Variants in ELAVL2 observed in about 807,000 individuals in gnomAD.
ELAVL2 encodes the protein ELAV like RNA binding protein 2.
ELAVL2 carries 4 observed loss-of-function variants against 34.6 expected under a neutral mutation model. The observed-to-expected ratio is 0.12, with a 90% CI of 0.06 to 0.26. The LOEUF is 0.26. Among genes scored for constraint, ELAVL2 ranks in the 10% least tolerant of loss-of-function variants. The probability of loss-of-function intolerance (pLI) is 1.00; values close to 1 mark genes in which losing one functional copy is unlikely to be tolerated. For missense variants in ELAVL2, 432 were observed against 442.8 expected, an observed-to-expected ratio of 0.98 and a Z score of 0.22; for synonymous variants, 193 against 154.8, an observed-to-expected ratio of 1.25 and a Z score of -1.83.
chr9:23,814,854 T>C (rs1482047000), intron 1 of ELAVL2, among the ~76,000 whole-genome samples: 1 of 152,174 alleles, frequency 6.6e-6, no homozygotes, highest in African/African-American at 2.4e-5. Flanking sequence ...CAAGATCAAG[T>C]GCTCCAGAAA....
intron 3 of ELAVL2, among the ~76,000 whole-genome samples, chr9:23,727,331 T>G (rs551817954): frequency 6.6e-6 from 1 of 152,238 alleles, no homozygotes; most frequent in South Asian, 2.1e-4. Context: ...GATACGTTGT[T>G]TTCAATTTCT....
intron 3 of ELAVL2, among the ~76,000 whole-genome samples, chr9:23,724,453 T>A (rs1467954013): frequency 6.6e-6 from 1 of 152,012 alleles, no homozygotes; most frequent in African/African-American, 2.4e-5. Flanking sequence ...ACATTCAAGC[T>A]CTGGACCTTA....
chr9:23,701,877 A>G (rs948876521), intron 4 of ELAVL2, among the ~76,000 whole-genome samples: 46 of 152,182 alleles, frequency 3.0e-4, no homozygotes, highest in African/African-American at 1.1e-3. Context: ...ACAAGAAAAC[A>G]CAAGCATGTC....
chr9:23,696,687 G>T (rs2035365548), intron 5 of ELAVL2, among the ~76,000 whole-genome samples: 1 of 151,916 alleles, frequency 6.6e-6, no homozygotes, highest in Non-Finnish European at 1.5e-5. Context: ...AGCCATGATG[G>T]TCTCGATCTC....
intron 3 of ELAVL2, among the ~76,000 whole-genome samples, chr9:23,729,400 T>G (rs1234325319): frequency 6.6e-6 from 1 of 152,128 alleles, no homozygotes; most frequent in Non-Finnish European, 1.5e-5. Context: ...GCACACGGTC[T>G]GACGGTAACT....
At chr9:23,727,242 T>C (rs2087877335) in intron 3 of ELAVL2, among the ~76,000 whole-genome samples, 1 of 152,174 alleles carries the variant, frequency 6.6e-6, no homozygotes, top group South Asian at 2.1e-4. Flanking sequence ...AAGTGACCTT[T>C]AGGACAAGAG....
chr9:23,716,161 G>C (rs2133882570), intron 3 of ELAVL2, among the ~76,000 whole-genome samples: 1 of 139,264 alleles, frequency 7.2e-6, no homozygotes, highest in African/African-American at 2.7e-5. Flanking sequence ...ACCGGGGCCT[G>C]TTGTCGGGTT....
intron 1 of ELAVL2, among the ~76,000 whole-genome samples, chr9:23,819,127 G>C (rs534903008): frequency 2.0e-5 from 3 of 152,276 alleles, no homozygotes; most frequent in East Asian, 1.9e-4. Context: ...AAGGCTGGAA[G>C]AGCCAAGAGC....
chr9:23,819,980 T>G lies in ELAVL2; in HGVS notation c.-16+5826A>C, dbSNP rs543969202. 7.9e-5 allele frequency among the ~76,000 whole-genome samples: 12 copies of G among 152,232 alleles called. No homozygotes were observed. In the South Asian group the frequency reaches 1.7e-3, roughly 21 times the overall value. Reference sequence around the variant, plus strand: ...CTATAAAGAAGGCCCCTACCACAAATGCAGTAACATTCGGGTCCACTCAGC... The same window carrying G: ...CTATAAAGAAGGCCCCTACCACAAAGGCAGTAACATTCGGGTCCACTCAGC... On this transcript the variant is annotated intron_variant, in intron 1 of 6. Transcript: ENST00000397312.
In ELAVL2 at chr9:23,698,081, T is replaced by A. The variant is rs73654352; in HGVS notation, c.713+3298A>T. Among the ~76,000 whole-genome samples the A allele has an allele frequency of 1.8e-3, 267 of 152,294 alleles. 2 individuals are homozygous for A. Among genetic ancestry groups the A allele is most frequent in the African/African-American group, 6.0e-3 (248 of 41,576 alleles). On this transcript the variant is annotated intron_variant, in intron 5 of 6. Coordinates refer to ENST00000397312, the MANE Select transcript of ELAVL2 (RefSeq NM_004432.5). ...CGTCATGCCTTAAAGGCAACTCAAG[T>A]GCTCATTTAAAAGGCTTTTTAAAAA...
At chr9:23,745,413 C>G (rs1339595300) in intron 2 of ELAVL2, among the ~76,000 whole-genome samples, 1 of 152,096 alleles carries the variant, frequency 6.6e-6, no homozygotes, top group Non-Finnish European at 1.5e-5. Flanking sequence ...TTTAAGCTAC[C>G]TGAACAGATA....
At chr9:23,774,477 A>G (rs540798913) in intron 1 of ELAVL2, among the ~76,000 whole-genome samples, 1 of 152,304 alleles carries the variant, frequency 6.6e-6, no homozygotes, top group African/African-American at 2.4e-5. Context: ...TAGCACAGTC[A>G]CAAACGGTGA....
chr9:23,701,337 T>A (rs751915888), intron 5 of ELAVL2, 42 bp downstream of exon 5: 1 of 1,600,316 alleles, frequency 6.2e-7, no homozygotes, highest in South Asian at 1.1e-5. Flanking sequence ...GAGTATTCTC[T>A]TTCAGTTTAG....
At chr9:23,799,893 T>G (rs924190356) in intron 1 of ELAVL2, among the ~76,000 whole-genome samples, 18 of 152,142 alleles carry the variant, frequency 1.2e-4, no homozygotes, top group Non-Finnish European at 2.2e-4. Context: ...CCCAAAAGCT[T>G]TAAGAGGTCT....
At chr9:23,788,921 A>C (rs2060019778) in intron 1 of ELAVL2, among the ~76,000 whole-genome samples, 2 of 152,196 alleles carry the variant, frequency 1.3e-5, no homozygotes, top group Admixed American at 6.5e-5. Flanking sequence ...TTATGCCTGG[A>C]ATTTTCCATT....
At chr9:23,830,639 T>G (rs1222267988), upstream of ELAVL2, among the ~76,000 whole-genome samples, 1 of 101,562 alleles carries the variant, frequency 9.8e-6, no homozygotes, top group Non-Finnish European at 2.4e-5. Context: ...TTTTTTTTTT[T>G]TCCTGGACCA....
chr9:23,795,099 A>T (rs76857887), intron 1 of ELAVL2, among the ~76,000 whole-genome samples: 9,128 of 152,184 alleles, frequency 0.06, 320 homozygotes, highest in Middle Eastern at 0.15. Flanking sequence ...TAAAAAACAC[A>T]TTTCTAAGCA....
chr9:23,723,828 A>T (rs1040174137), intron 3 of ELAVL2, among the ~76,000 whole-genome samples: 1 of 152,106 alleles, frequency 6.6e-6, no homozygotes, highest in Admixed American at 6.6e-5. Flanking sequence ...AATTTCTGAT[A>T]AACAGTAAGT....
intron 1 of ELAVL2, among the ~76,000 whole-genome samples, chr9:23,776,608 G>A (rs1353456546): frequency 1.3e-5 from 2 of 151,906 alleles, no homozygotes; most frequent in Non-Finnish European, 2.9e-5. Flanking sequence ...ACCCCTCACG[G>A]AACTTCTCCA....
Sources: gnomAD v4.1 joint callset for allele counts (sites outside exome capture counted in the v4.1 genomes callset) on GRCh38, gnomAD v4.1.1 for gene constraint, MANE v1.5 for transcripts, NCBI Gene and HGNC (gene_info 2026-07-23, HGNC 2026-07-21) for gene names.